PRSS57: variants seen among roughly 807,000 people sequenced by gnomAD.
PRSS57 encodes neutrophil serine protease 4.
PRSS57 carries 19 observed loss-of-function variants against 20.6 expected under a neutral mutation model. The observed-to-expected ratio is 0.92, with a 90% CI of 0.64 to 1.35. The LOEUF is 1.35. PRSS57 is among the 40% of genes most tolerant of loss of function. The probability of loss-of-function intolerance (pLI) is 0.00; values close to 1 mark genes in which losing one functional copy is unlikely to be tolerated. For synonymous variants in PRSS57, 203 were observed against 176.6 expected, an observed-to-expected ratio of 1.15 and a Z score of -1.19; for missense variants, 440 against 403.7, an observed-to-expected ratio of 1.09 and a Z score of -0.77.
intron 2 of PRSS57, among the ~76,000 whole-genome samples, chr19:693,901 G>A (rs1233323144): frequency 6.6e-6 from 1 of 152,048 alleles, no homozygotes; most frequent in Middle Eastern, 3.2e-3. Context: ...CACCACATCC[G>A]GCTAATTTTT....
chr19:686,852 C>CCAGGAG, intron 4 of PRSS57, 73 bp downstream of exon 4: 1 of 1,531,188 alleles, frequency 6.5e-7, no homozygotes, highest in Admixed American at 1.9e-5. Flanking sequence ...CAAGGCCCTT[C>CCAGGAG]CTGGCCCTGA....
At chr19:690,063 C>T (rs905260444) in intron 3 of PRSS57, among the ~76,000 whole-genome samples, 3 of 140,094 alleles carry the variant, frequency 2.1e-5, no homozygotes, top group African/African-American at 8.3e-5. Flanking sequence ...AAAAAATAGG[C>T]CAGGATTGGG....
In PRSS57 at chr19:695,399, G is replaced by A; in HGVS notation, c.32C>T (p.Pro11Leu). The change falls in exon 1 of 5, where the codon CCT becomes CTT. Residue 11 changes from proline to leucine, a missense_variant. Transcript: ENST00000329267. MGLGLRGWGR[P>L]LLTVATALML... Reference sequence around the variant, plus strand: ...CAGGGCGGTGGCCACAGTCAGCAGAGGACGTCCCCAGCCCCTCAACCCGAG... The same window carrying A: ...CAGGGCGGTGGCCACAGTCAGCAGAAGACGTCCCCAGCCCCTCAACCCGAG... The A allele has an allele frequency of 7.8e-7, 1 of 1,279,910 alleles. No homozygotes were observed. Among genetic ancestry groups the A allele is most frequent in the Non-Finnish European group, 9.9e-7 (1 of 1,007,626 alleles). 79.3% of individuals were successfully genotyped at this position (1,279,910 alleles called of 1,614,324 possible). A position where few individuals can be genotyped will look rare whatever the true frequency, so the allele number is the denominator to read the frequency against.
At chr19:694,615 C>A (rs567743989) in intron 2 of PRSS57, among the ~76,000 whole-genome samples, 199 bp downstream of exon 2, 2 of 148,710 alleles carry the variant, frequency 1.3e-5, no homozygotes, top group East Asian at 4.0e-4. Flanking sequence ...GTACTTGTTG[C>A]GCCTGTTGCT....
chr19:691,035 C>G (rs2031630281), intron 3 of PRSS57: 1 of 359,450 alleles, frequency 2.8e-6, no homozygotes, highest in African/African-American at 2.1e-5. Context: ...CCTCTGATAT[C>G]CTCTCTAAGA....
chr19:685,993 C>A, intron 4 of PRSS57, 71 bp from the exon 5 acceptor site: 1 of 1,330,758 alleles, frequency 7.5e-7, no homozygotes, highest in Non-Finnish European at 1.0e-6. Flanking sequence ...ACGGCCCTCC[C>A]TGCCTCAGAA....
Position 694,882 on chromosome 19 carries a change from T to C in PRSS57, c.165A>G (p.Gln55=). The change falls in exon 2 of 5, where the codon CAA becomes CAG. Residue 55 remains glutamine, a synonymous_variant. Transcript: ENST00000329267. Reference sequence around the variant, plus strand: ...GCAGCAGGAAGCCTCCGCAGTGATGTTGGCCCCCGAAGCGCACGGATGCCA... The same window carrying C: ...GCAGCAGGAAGCCTCCGCAGTGATGCTGGCCCCCGAAGCGCACGGATGCCA... ...PYMASVRFGG[Q]HHCGGFLLRA... 2.5e-6 allele frequency: 4 copies of C among 1,605,374 alleles called. No individual in the cohort carries two copies. In the Middle Eastern group the frequency reaches 6.6e-4, roughly 266 times the overall value.
intron 2 of PRSS57, among the ~76,000 whole-genome samples, chr19:692,301 G>A (rs1353735752): frequency 1.3e-5 from 2 of 151,424 alleles, no homozygotes; most frequent in Non-Finnish European, 2.9e-5. Flanking sequence ...CCTGGGAGGC[G>A]GAGGTTGCAG....
chr19:694,669 C>G (rs1273210009), intron 2 of PRSS57, 145 bp downstream of exon 2: 1 of 881,086 alleles, frequency 1.1e-6, no homozygotes, highest in African/African-American at 1.7e-5. Context: ...CTCCTGTTTT[C>G]CCTTTGTTGC....
chr19:686,025 T>C, intron 4 of PRSS57, 103 bp from the exon 5 acceptor site: 1 of 1,031,550 alleles, frequency 9.7e-7, no homozygotes, highest in Non-Finnish European at 1.4e-6. Flanking sequence ...TCCCTACTGC[T>C]CTCCAAGGAA....
intron 3 of PRSS57, among the ~76,000 whole-genome samples, chr19:688,278 C>T (rs1161733238): frequency 6.6e-6 from 1 of 151,918 alleles, no homozygotes; most frequent in Non-Finnish European, 1.5e-5. Context: ...TGGTTCCAGG[C>T]TTCAGGGTTT....
At chr19:689,084 AG>A (rs752597485) in intron 3 of PRSS57, among the ~76,000 whole-genome samples, 1 of 141,288 alleles carries the variant, frequency 7.1e-6, no homozygotes, top group Non-Finnish European at 1.5e-5. Context: ...AGGGGTTAGC[AG>A]GTGACAAGCA....
rs370338312 is a variant in PRSS57 at position 687,114 on chromosome 19, T to C, written c.453A>G (p.Thr151=). 1.3e-5 allele frequency: 21 copies of C among 1,612,360 alleles called. No individual in the cohort carries two copies. Among genetic ancestry groups the C allele is most frequent in the Non-Finnish European group, 1.8e-5 (21 of 1,179,426 alleles). ...RPPGRRARPP[T]AGTRCRVAGW... The stretch of plus-strand genomic sequence containing the variant: ...CAGCCACCCGGCACCGTGTCCCCGC[T>C]GTGGGGGGCCTGGCCCTTCTCCCTG... Residue 151 remains threonine, a synonymous_variant, in exon 4 of 5, where the codon ACA becomes ACG. Transcript: ENST00000329267.
chr19:695,015 G>A (rs745803531), intron 1 of PRSS57, 48 bp from the exon 2 acceptor site: 2 of 1,474,844 alleles, frequency 1.4e-6, no homozygotes, highest in Admixed American at 5.0e-5. Flanking sequence ...AGGAACGGAT[G>A]ACGGGGCTGG....
chr19:688,456 T>G (rs1341686985), intron 3 of PRSS57, among the ~76,000 whole-genome samples: 4 of 149,530 alleles, frequency 2.7e-5, no homozygotes, highest in Non-Finnish European at 5.9e-5. Flanking sequence ...TTCTCCTGCC[T>G]CAGCCTCTGG....
intron 4 of PRSS57, among the ~76,000 whole-genome samples, chr19:686,147 C>G (rs2031469419): frequency 6.6e-6 from 1 of 152,102 alleles, no homozygotes; most frequent in African/African-American, 2.4e-5. Flanking sequence ...AGCCTGGAGA[C>G]CTGTTCCTGC....
chr19:685,848 G>T lies in PRSS57; in HGVS notation c.717C>A (p.Gly239=). The stretch of plus-strand genomic sequence containing the variant: ...TGTACACGTCGGGGGTCTTGGGGTC[G>T]CCGCACCAGAGGCCCGAGAAGGAAA... ...GLVSFSGLWC[G]DPKTPDVYTQ... The change falls in exon 5 of 5, where the codon GGC becomes GGA. Residue 239 remains glycine, a synonymous_variant. Transcript: ENST00000329267. 2 of 1,560,338 alleles carry T rather than the reference G, an allele frequency of 1.3e-6. No individual in the cohort carries two copies. The highest frequency in any genetic ancestry group is 1.9e-5 in the Admixed American group (1 of 52,492).
At chr19:687,436 C>T (rs1234630096) in intron 3 of PRSS57, among the ~76,000 whole-genome samples, 3 of 152,122 alleles carry the variant, frequency 2.0e-5, no homozygotes, top group Admixed American at 6.6e-5. Context: ...GATGGAGTCT[C>T]GCTCTGTCGC....
intron 3 of PRSS57, among the ~76,000 whole-genome samples, chr19:689,176 T>A (rs12978281): frequency 0.024 from 1,908 of 79,396 alleles, 8 homozygotes; most frequent in East Asian, 0.036. Context: ...GGTTAGCAGG[T>A]GACGACGGGG....
Sources: gnomAD v4.1 joint callset for allele counts (sites outside exome capture counted in the v4.1 genomes callset) on GRCh38, gnomAD v4.1.1 for gene constraint, MANE v1.5 for transcripts, NCBI Gene and HGNC (gene_info 2026-07-23, HGNC 2026-07-21) for gene names.